Variants in EPSTI1 observed in about 807,000 individuals in gnomAD.
EPSTI1 encodes epithelial stromal interaction 1.
In EPSTI1, 66 loss-of-function variants were observed where a neutral mutation model predicts 49.9. The ratio of observed to expected loss-of-function variants is 1.32; its 90% CI spans 1.08 to 1.62. EPSTI1 has a LOEUF of 1.62. Ranked by LOEUF, EPSTI1 falls within the 40% of genes most tolerant of loss-of-function variation. The pLI, the probability that EPSTI1 is intolerant of heterozygous loss-of-function variation, is 0.00. For missense variants in EPSTI1, 394 were observed against 365.5 expected (o/e 1.08, Z -0.64); for synonymous variants, 137 against 130.7 (o/e 1.05, Z -0.33).
intron 1 of EPSTI1, among the ~76,000 whole-genome samples, chr13:42,986,435 G>C (rs1281973950): frequency 6.6e-6 from 1 of 151,984 alleles, no homozygotes. Flanking sequence ...CCAGCTATGC[G>C]ATTGGGGGGT....
intron 1 of EPSTI1, among the ~76,000 whole-genome samples, chr13:42,978,491 C>T (rs1455132600): frequency 6.6e-6 from 1 of 152,202 alleles, no homozygotes; most frequent in African/African-American, 2.4e-5. Context: ...AGAGGGCTGA[C>T]TTTGAATAGA....
chr13:42,968,953 C>CACACACACACACACACACACACACA, intron 3 of EPSTI1, 141 bp downstream of exon 3: 2 of 605,646 alleles, frequency 3.3e-6, no homozygotes, highest in Admixed American at 3.2e-5. Flanking sequence ...CACACACACA[C>CACACACACACACACACACACACACA]AATTAAATGC....
chr13:42,977,728 A>G, intron 1 of EPSTI1, among the ~76,000 whole-genome samples: 1 of 152,224 alleles, frequency 6.6e-6, no homozygotes, highest in Non-Finnish European at 1.5e-5. Flanking sequence ...GTTATTTCCT[A>G]TCTGTACAAC....
chr13:42,967,663 C>T (rs1047245939), intron 3 of EPSTI1, among the ~76,000 whole-genome samples: 1 of 152,272 alleles, frequency 6.6e-6, no homozygotes. Context: ...GAGAGGAAAT[C>T]GTCTGTATCA....
chr13:42,919,330 T>C (rs1251217684), intron 7 of EPSTI1: 4 of 1,613,414 alleles, frequency 2.5e-6, no homozygotes, highest in Non-Finnish European at 3.4e-6. Flanking sequence ...GGATAGGAAG[T>C]TTCTGTTCAA....
At chr13:42,894,440 G>A (rs9525701) in intron 10 of EPSTI1, among the ~76,000 whole-genome samples, 57,272 of 151,912 alleles carry the variant, frequency 0.38, 11,155 homozygotes, top group East Asian at 0.6. Context: ...TTTGGTGCTC[G>A]TTCAATAATA....
At chr13:42,942,590 C>A (rs1230812651) in intron 6 of EPSTI1, among the ~76,000 whole-genome samples, 1 of 149,636 alleles carries the variant, frequency 6.7e-6, no homozygotes, top group Non-Finnish European at 1.5e-5. Context: ...TAGTTCATAT[C>A]CCTGTCTCTT....
chr13:42,966,765 C>A (rs1257419290), intron 3 of EPSTI1, among the ~76,000 whole-genome samples: 1 of 90,168 alleles, frequency 1.1e-5, no homozygotes, highest in Non-Finnish European at 2.5e-5. Flanking sequence ...GCCACCACCC[C>A]GTCTGGGAGG....
chr13:42,963,430 A>G, intron 4 of EPSTI1, 92 bp from the exon 5 acceptor site: 1 of 997,780 alleles, frequency 1.0e-6, no homozygotes, highest in East Asian at 2.5e-5. Context: ...GGCAAATTAC[A>G]GTATTGTTTG....
chr13:42,900,399 G>A lies in EPSTI1; in HGVS notation c.742-16C>T. On this transcript the variant is annotated splice_polypyrimidine_tract_variant and intron_variant, in intron 8 of 10. Coordinates refer to ENST00000313624, the MANE Select transcript of EPSTI1 (RefSeq NM_033255.5). The stretch of plus-strand genomic sequence containing the variant: ...GTAATTCACTCTAGGAACAATAAAA[G>A]TTTTAAAATATGGTTTTCAATTAAC... 1.2e-6 allele frequency: 2 copies of A among 1,612,300 alleles called. No individual in the cohort carries two copies. Among genetic ancestry groups the A allele is most frequent in the Non-Finnish European group, 1.7e-6 (2 of 1,178,928 alleles).
At chr13:42,968,741 G>T (rs2039683906) in intron 3 of EPSTI1, among the ~76,000 whole-genome samples, 1 of 151,958 alleles carries the variant, frequency 6.6e-6, no homozygotes, top group Non-Finnish European at 1.5e-5. Flanking sequence ...GCTTGTGCCA[G>T]CATTTACTCC....
chr13:42,919,842 T>C (rs1408988514), intron 7 of EPSTI1, among the ~76,000 whole-genome samples: 2 of 152,194 alleles, frequency 1.3e-5, no homozygotes, highest in Non-Finnish European at 2.9e-5. Flanking sequence ...AGGGCTTCCA[T>C]AACAAAGTAT....
rs2039703228 is a variant in EPSTI1 at position 42,969,157 on chromosome 13, T to C, written c.268A>G (p.Asn90Asp). Residue 90 changes from asparagine to aspartate, a missense_variant, in exon 3 of 11, where the codon AAC becomes GAC. Coordinates refer to ENST00000313624, the MANE Select transcript of EPSTI1 (RefSeq NM_033255.5). Reference protein sequence around the residue: ...IQRIAEQELANLEKWKEQNRA... With the variant: ...IQRIAEQELADLEKWKEQNRA... ...TTCTGCTCCTTCCACTTCTCCAGGT[T>C]GGCCAGCTCCTGCTCCGCAACTAAG... 1.2e-6 allele frequency: 2 copies of C among 1,614,098 alleles called. No homozygotes were observed. The highest frequency in any genetic ancestry group is 4.5e-5 in the East Asian group (2 of 44,886).
chr13:42,894,909 A>T, intron 10 of EPSTI1, 100 bp downstream of exon 10: 1 of 1,015,832 alleles, frequency 9.8e-7, no homozygotes, highest in African/African-American at 1.6e-5. Context: ...AACAACAAAA[A>T]CGTAATATCT....
In EPSTI1 at chr13:42,922,671, G is replaced by A. The variant is rs183319328; in HGVS notation, c.657+3665C>T. Among the ~76,000 whole-genome samples, 98 of 152,260 alleles carry A rather than the reference G, an allele frequency of 6.4e-4. No homozygotes were observed. Among genetic ancestry groups the A allele is most frequent in the East Asian group, 5.8e-4 (3 of 5,184 alleles). ...GCAAAGGGAAGTGTTCAAATGTTGC[G>A]GTGGAAGTGGGATTCAAGCGGCGCA... On this transcript the variant is annotated intron_variant, in intron 7 of 10. Coordinates refer to ENST00000313624, the MANE Select transcript of EPSTI1 (RefSeq NM_033255.5). This position sits in a 1 kb window ranked among gnomAD's most constrained non-coding sequence, Gnocchi z 4.8.
chr13:42,889,113 T>G, intron 10 of EPSTI1: 1 of 985,212 alleles, frequency 1.0e-6, no homozygotes, highest in Non-Finnish European at 1.6e-6. Flanking sequence ...TAACTGCCCC[T>G]GAAGACATAG....
chr13:42,894,750 A>C (rs1175800622), intron 10 of EPSTI1, among the ~76,000 whole-genome samples: 1 of 151,602 alleles, frequency 6.6e-6, no homozygotes, highest in African/African-American at 2.4e-5. Flanking sequence ...CTTAAAGTCC[A>C]GGCAATCATG....
chr13:42,945,945 G>A (rs1011830997), intron 6 of EPSTI1, among the ~76,000 whole-genome samples: 2 of 152,164 alleles, frequency 1.3e-5, no homozygotes, highest in African/African-American at 4.8e-5. Flanking sequence ...GTATCTATAA[G>A]TTCACTTTAT....
At chr13:42,916,281 A>G (rs2037828525) in intron 8 of EPSTI1, among the ~76,000 whole-genome samples, 2 of 151,874 alleles carry the variant, frequency 1.3e-5, no homozygotes, top group Non-Finnish European at 2.9e-5. Context: ...TTAAAAAAAA[A>G]AAAAACACTA....
Sources: gnomAD v4.1 joint callset for allele counts (sites outside exome capture counted in the v4.1 genomes callset) on GRCh38, gnomAD v4.1.1 for gene constraint, Gnocchi (gnomAD v3.1) non-coding constraint, MANE v1.5 for transcripts, NCBI Gene and HGNC (gene_info 2026-07-23, HGNC 2026-07-21) for gene names.